Variants in CDA observed in about 807,000 individuals in gnomAD.
CDA encodes the protein cytidine deaminase, also known as cytidine aminohydrolase.
In CDA, 7 loss-of-function variants were observed where a neutral mutation model predicts 15.0. The ratio of observed to expected loss-of-function variants is 0.47; its 90% CI spans 0.26 to 0.87. The LOEUF is 0.87. CDA is among the 40% of genes least tolerant of loss of function. The pLI, the probability that CDA is intolerant of heterozygous loss-of-function variation, is 0.15. For missense variants in CDA, 159 were observed against 182.7 expected, an observed-to-expected ratio of 0.87 and a Z score of 0.75; for synonymous variants, 58 against 73.0, an observed-to-expected ratio of 0.79 and a Z score of 1.05.
chr1:20,608,245 C>T (rs372518169), intron 2 of CDA, among the ~76,000 whole-genome samples: 3 of 152,116 alleles, frequency 2.0e-5, no homozygotes, highest in Non-Finnish European at 4.4e-5. Flanking sequence ...CAAATCCAGC[C>T]GCATTATGGA....
chr1:20,604,956 G>A lies in CDA; in HGVS notation c.183G>A (p.Pro61=), dbSNP rs61735379. Residue 61 remains proline (P), a synonymous_variant, in exon 2 of 4, where the codon CCG becomes CCA. Transcript: ENST00000375071. ...GCAACATAGAAAATGCCTGCTACCC[G>A]CTGGGCATCTGTGCTGAACGGACCG... ...KGCNIENACY[P]LGICAERTAI... 1.5e-3 allele frequency: 2,359 copies of A among 1,613,456 alleles called. 22 individuals are homozygous for A. In the African/African-American group the frequency reaches 0.027, roughly 19 times the overall value.
intron 1 of CDA, among the ~76,000 whole-genome samples, chr1:20,592,168 C>T (rs919669141): frequency 6.6e-6 from 1 of 152,262 alleles, no homozygotes; most frequent in Non-Finnish European, 1.5e-5. Context: ...GATCATAAAA[C>T]CCACCTTTCA....
chr1:20,591,029 G>T (rs1242077883), intron 1 of CDA, among the ~76,000 whole-genome samples: 1 of 152,146 alleles, frequency 6.6e-6, no homozygotes, highest in Non-Finnish European at 1.5e-5. Flanking sequence ...CAGAATGCTT[G>T]GGTCCTTTCT....
At chr1:20,599,273 A>G (rs932669625) in intron 1 of CDA, among the ~76,000 whole-genome samples, 1 of 152,158 alleles carries the variant, frequency 6.6e-6, no homozygotes, top group Non-Finnish European at 1.5e-5. Context: ...AAGAGGTAGC[A>G]CCAGATCACA....
At chr1:20,610,279 ATTTTATTTTTATT>A (rs1557550510) in intron 2 of CDA, among the ~76,000 whole-genome samples, 1 of 135,182 alleles carries the variant, frequency 7.4e-6, no homozygotes, top group Non-Finnish European at 1.6e-5. Context: ...TTTTTATTTT[ATTTTATTTTTATT>A]TTTATTTATT....
At chr1:20,598,106 C>T (rs975720971) in intron 1 of CDA, among the ~76,000 whole-genome samples, 5 of 152,118 alleles carry the variant, frequency 3.3e-5, no homozygotes, top group Non-Finnish European at 5.9e-5. Flanking sequence ...GAGGGCTTCT[C>T]TTTTCAAATT....
intron 3 of CDA, among the ~76,000 whole-genome samples, chr1:20,617,443 A>G (rs2052823254): frequency 6.6e-6 from 1 of 152,158 alleles, no homozygotes; most frequent in South Asian, 2.1e-4. Flanking sequence ...TAATTCCCAC[A>G]TGTCATGGGA....
chr1:20,592,266 T>C (rs1375041358), intron 1 of CDA, among the ~76,000 whole-genome samples: 1 of 152,104 alleles, frequency 6.6e-6, no homozygotes, highest in African/African-American at 2.4e-5. Context: ...CTCTGATCGG[T>C]TGGTGCCTGC....
Position 20,613,884 on chromosome 1 carries a change from G to A in CDA, c.309G>A (p.Arg103=), listed in dbSNP as rs2052777479. ...DDFISPCGAC[R]QVMREFGTNW... is the part of the protein sequence containing the mutation. Reference sequence around the variant, plus strand: ...TTATCTCTCCATGTGGGGCCTGCAGGCAAGTCATGAGAGAGGTAAGCAGCT... The same window carrying A: ...TTATCTCTCCATGTGGGGCCTGCAGACAAGTCATGAGAGAGGTAAGCAGCT... The change falls in exon 3 of 4, where the codon AGG becomes AGA. Residue 103 remains arginine, a synonymous_variant. Coordinates refer to ENST00000375071, the MANE Select transcript of CDA (RefSeq NM_001785.3). 2 of 1,613,946 alleles carry A rather than the reference G, an allele frequency of 1.2e-6. No individual in the cohort carries two copies. The highest frequency in any genetic ancestry group is 1.7e-4 in the Middle Eastern group (1 of 5,924).
intron 1 of CDA, among the ~76,000 whole-genome samples, chr1:20,592,083 G>A (rs1355442480): frequency 4.6e-5 from 7 of 151,954 alleles, no homozygotes; most frequent in African/African-American, 1.5e-4. Flanking sequence ...TGATCCACCC[G>A]CCTCAGCCTC....
chr1:20,618,359 C>T (rs924871848), intron 3 of CDA, 93 bp from the exon 4 acceptor site: 9 of 735,108 alleles, frequency 1.2e-5, no homozygotes, highest in Non-Finnish European at 2.0e-5. Context: ...AAGAGAGGAA[C>T]ATTAGACAGT....
intron 3 of CDA, 41 bp downstream of exon 3, chr1:20,613,940 C>T (rs758712137): frequency 6.3e-7 from 1 of 1,593,178 alleles, no homozygotes; most frequent in South Asian, 1.1e-5. Context: ...AAATATCTTC[C>T]CTGTCGCAGG....
intron 1 of CDA, among the ~76,000 whole-genome samples, chr1:20,603,711 C>G (rs1259168575): frequency 6.6e-6 from 1 of 152,164 alleles, no homozygotes; most frequent in Non-Finnish European, 1.5e-5. Flanking sequence ...CTATCTCCGC[C>G]TCAGGGAAAA....
intron 1 of CDA, 69 bp downstream of exon 1, chr1:20,589,352 G>T: frequency 6.7e-7 from 1 of 1,485,180 alleles, no homozygotes; most frequent in Non-Finnish European, 9.3e-7. Context: ...AGATGTACAG[G>T]AAGAGGCGCA....
rs2154532390 is a variant in CDA, at chr1:20,604,977, G to T, written c.204G>T (p.Arg68=). 1.2e-6 allele frequency: 2 copies of T among 1,614,002 alleles called. No homozygotes were observed. The highest frequency in any genetic ancestry group is 2.2e-5 in the South Asian group (2 of 91,008). Reference sequence around the variant, plus strand: ...ACCCGCTGGGCATCTGTGCTGAACGGACCGCTATCCAGAAGGCCGTCTCAG... The same window carrying T: ...ACCCGCTGGGCATCTGTGCTGAACGTACCGCTATCCAGAAGGCCGTCTCAG... ...ACYPLGICAE[R]TAIQKAVSEG... The change falls in exon 2 of 4, where the codon CGG becomes CGT. Residue 68 remains arginine (R), a synonymous_variant. Coordinates refer to ENST00000375071, the MANE Select transcript of CDA (RefSeq NM_001785.3).
At chr1:20,595,789 G>A (rs1223204495) in intron 1 of CDA, among the ~76,000 whole-genome samples, 1 of 147,920 alleles carries the variant, frequency 6.8e-6, no homozygotes, top group Non-Finnish European at 1.5e-5. Context: ...GCAATGAGCC[G>A]TGAGCACGCC....
At chr1:20,605,447 C>A (rs1174407498) in intron 2 of CDA, among the ~76,000 whole-genome samples, 1 of 150,362 alleles carries the variant, frequency 6.7e-6, no homozygotes, top group African/African-American at 2.4e-5. Context: ...ATCACGAGGT[C>A]AGGAGATCGA....
chr1:20,610,261 C>CTTTTTTTTTTTTTTTTTTTTTTT (rs760754305), intron 2 of CDA, among the ~76,000 whole-genome samples: 9 of 62,972 alleles, frequency 1.4e-4, no homozygotes, highest in Non-Finnish European at 1.7e-4. Context: ...CACACATTAT[C>CTTTTTTTTTTTTTTTTTTTTTTT]TTTTTTTTTT....
At chr1:20,614,748 G>C (rs1430693780) in intron 3 of CDA, among the ~76,000 whole-genome samples, 1 of 152,236 alleles carries the variant, frequency 6.6e-6, no homozygotes, top group Non-Finnish European at 1.5e-5. Context: ...GGCCTGGTAG[G>C]TGGAAGGAAA....
Sources: gnomAD v4.1 joint callset for allele counts (sites outside exome capture counted in the v4.1 genomes callset) on GRCh38, gnomAD v4.1.1 for gene constraint, MANE v1.5 for transcripts, NCBI Gene and HGNC (gene_info 2026-07-23, HGNC 2026-07-21) for gene names.